Variants in VRK3 observed in about 807,000 individuals in gnomAD.
The protein encoded by VRK3 is VRK serine/threonine kinase 3.
Under a neutral mutation model 60.4 loss-of-function variants are expected in VRK3, and 50 were observed. The observed-to-expected ratio is 0.83, with a 90% CI of 0.66 to 1.05. The LOEUF is 1.05. VRK3 is among the 50% of genes least tolerant of loss of function. The pLI is 0.00. For synonymous variants in VRK3, 246 were observed against 227.8 expected, an observed-to-expected ratio of 1.08 and a Z score of -0.72; for missense variants, 549 against 585.3, an observed-to-expected ratio of 0.94 and a Z score of 0.64.
chr19:49,993,651 C>T (rs1171419065), intron 9 of VRK3, among the ~76,000 whole-genome samples: 3 of 152,122 alleles, frequency 2.0e-5, no homozygotes, highest in East Asian at 1.9e-4. Flanking sequence ...CCACCTGCCT[C>T]GTCCTCCCAA....
chr19:50,005,943 C>CG (rs2122382513), intron 5 of VRK3, among the ~76,000 whole-genome samples: 1 of 149,046 alleles, frequency 6.7e-6, no homozygotes, highest in East Asian at 1.9e-4. Context: ...TAGATAGTGA[C>CG]GATGGTTGCA....
At chr19:50,013,709 C>T (rs2077031516) in intron 3 of VRK3, among the ~76,000 whole-genome samples, 1 of 152,178 alleles carries the variant, frequency 6.6e-6, no homozygotes, top group Admixed American at 6.5e-5. Flanking sequence ...AATACCATGC[C>T]AGGCACAGAC....
intron 11 of VRK3, among the ~76,000 whole-genome samples, chr19:49,989,406 A>G (rs554079463): frequency 3.3e-5 from 5 of 151,830 alleles, no homozygotes; most frequent in African/African-American, 1.2e-4. Flanking sequence ...CTGAACCCCA[A>G]CCTCTGGAAC....
rs558290296 is a variant in VRK3 at position 50,020,752 on chromosome 19, A to C, written c.-64-105T>G. On this transcript the variant is annotated intron_variant, in intron 1 of 14. Coordinates refer to ENST00000316763, the MANE Select transcript of VRK3 (RefSeq NM_016440.4). The stretch of plus-strand genomic sequence containing the variant: ...CTGGCCATGTCACCAGCATGTGCCA[A>C]ATCCATTCGTTTATTCATTTACTCT... 6.8e-4 allele frequency: 103 copies of C among 152,340 alleles called. 1 individual carries two copies. Among genetic ancestry groups the C allele is most frequent in the African/African-American group, 2.4e-3 (101 of 41,570 alleles). 9.4% of individuals were successfully genotyped at this position (152,340 alleles called of 1,614,324 possible).
intron 3 of VRK3, among the ~76,000 whole-genome samples, chr19:50,015,089 GATGA>G (rs1324689244): frequency 6.6e-6 from 1 of 152,220 alleles, no homozygotes; most frequent in African/African-American, 2.4e-5. Flanking sequence ...TGGGAAACTG[GATGA>G]ATGGAGTGCT....
intron 2 of VRK3, 35 bp from the exon 3 acceptor site, chr19:50,016,198 G>T (rs769346573): frequency 6.2e-7 from 1 of 1,611,164 alleles, no homozygotes; most frequent in Non-Finnish European, 8.5e-7. Flanking sequence ...AAAGTGAAAC[G>T]GGCCAGCTGA....
At chr19:50,002,239 G>T (rs998787365) in intron 5 of VRK3, among the ~76,000 whole-genome samples, 8 of 152,136 alleles carry the variant, frequency 5.3e-5, no homozygotes, top group Admixed American at 2.6e-4. Context: ...GGGATGGGGG[G>T]TGACAAAGTC....
At chr19:49,997,683 C>A in intron 6 of VRK3, 113 bp from the exon 7 acceptor site, 1 of 1,212,230 alleles carries the variant, frequency 8.2e-7, no homozygotes, top group South Asian at 1.4e-5. Flanking sequence ...TCATCAAGTC[C>A]CCACATCGGA....
At chr19:50,022,803 C>T (rs1344594697) in intron 1 of VRK3, among the ~76,000 whole-genome samples, 1 of 151,888 alleles carries the variant, frequency 6.6e-6, no homozygotes, top group Admixed American at 6.6e-5. Flanking sequence ...CATAAATAAA[C>T]AAATAAATAA....
chr19:49,982,225 A>G (rs1219124104), intron 12 of VRK3: 1 of 702,860 alleles, frequency 1.4e-6, no homozygotes, highest in Admixed American at 2.0e-5. Context: ...CTCATGACCA[A>G]CAGCACCGTA....
chr19:49,989,684 C>T lies in VRK3; in HGVS notation c.1051G>A (p.Glu351Lys), dbSNP rs745889258. The T allele has an allele frequency of 1.1e-5, 18 of 1,613,908 alleles. No individual in the cohort carries two copies. Among genetic ancestry groups the T allele is most frequent in the Admixed American group, 5.0e-5 (3 of 60,004 alleles). Reference protein sequence around the residue: ...AYVEGSRSPHEGDLEFISMDL... With the variant: ...AYVEGSRSPHKGDLEFISMDL... ...ATGCTAATGAACTCAAGGTCCCCCT[C>T]GTGAGGGCTCCTGCTGCCTTCCACG... Residue 351 changes from glutamate (E) to lysine (K), a missense_variant, in exon 11 of 15, where the codon GAG becomes AAG. Glu to Lys is a moderately conservative substitution (Grantham distance 56). Coordinates refer to ENST00000316763, the MANE Select transcript of VRK3 (RefSeq NM_016440.4).
chr19:49,990,831 T>C (rs1215148851), intron 10 of VRK3, among the ~76,000 whole-genome samples: 1 of 150,898 alleles, frequency 6.6e-6, no homozygotes, highest in East Asian at 2.0e-4. Flanking sequence ...GTCACGCAGG[T>C]TGGAGTGCAG....
chr19:49,994,798 A>G lies in VRK3; in HGVS notation c.870+16T>C. ...CCCTCCCTGACGCGGCAGCTGAGCA[A>G]CTTCTGGGTACGCACCAGCCGGCAG... is the stretch of plus-strand genomic sequence containing the variant. On this transcript the variant is annotated intron_variant, in intron 9 of 14. Coordinates refer to ENST00000316763, the MANE Select transcript of VRK3 (RefSeq NM_016440.4). 6.2e-7 allele frequency: 1 copy of G among 1,607,868 alleles called. No homozygotes were observed. Among genetic ancestry groups the G allele is most frequent in the Non-Finnish European group, 8.5e-7 (1 of 1,176,136 alleles).
intron 10 of VRK3, 127 bp from the exon 11 acceptor site, chr19:49,989,898 G>T: frequency 9.0e-7 from 1 of 1,109,604 alleles, no homozygotes; most frequent in Non-Finnish European, 1.2e-6. Context: ...CAAAACTAAG[G>T]CATGCTCATA....
At chr19:50,006,772 G>C (rs2076898764) in intron 5 of VRK3, among the ~76,000 whole-genome samples, 2 of 152,188 alleles carry the variant, frequency 1.3e-5, no homozygotes, top group Admixed American at 1.3e-4. Context: ...CTTAGAACAG[G>C]CCTGGCCTTG....
At chr19:50,003,873 C>T (rs1265192441) in intron 5 of VRK3, among the ~76,000 whole-genome samples, 1 of 152,216 alleles carries the variant, frequency 6.6e-6, no homozygotes, top group Non-Finnish European at 1.5e-5. Context: ...GCTGGCACCG[C>T]GGCCAGACAC....
intron 2 of VRK3, among the ~76,000 whole-genome samples, chr19:50,019,504 T>G (rs931314325): frequency 6.6e-6 from 1 of 151,894 alleles, no homozygotes; most frequent in African/African-American, 2.4e-5. Context: ...CTAGCCAGAC[T>G]GTACACTTCT....
rs2076957732 is a variant in VRK3 at position 50,009,382 on chromosome 19, G to A, written c.143C>T (p.Ser48Leu). The A allele has an allele frequency of 1.2e-6, 2 of 1,613,270 alleles. No homozygotes were observed. The highest frequency in any genetic ancestry group is 1.7e-6 in the Non-Finnish European group (2 of 1,179,754). ...AAAACTGGAGTTCAGCCCTCTCTTT[G>A]AGCCTAAAGAAAGGCAGACAAAATG... ...VNPHVSSFQGSKRGLNSSFET... is the reference protein window; with the variant it reads ...VNPHVSSFQGLKRGLNSSFET... The change falls in exon 4 of 15, where the codon TCA (serine) becomes TTA (leucine). Residue 48 changes from serine (S) to leucine (L), a missense_variant. By Grantham distance (145) the Ser-to-Leu change is moderately radical. Transcript: ENST00000316763.
At chr19:50,024,247 G>C (rs1169384450) in intron 1 of VRK3, among the ~76,000 whole-genome samples, 1 of 152,038 alleles carries the variant, frequency 6.6e-6, no homozygotes, top group Non-Finnish European at 1.5e-5. Flanking sequence ...CAAATTTTTT[G>C]GATTTTAGAA....
Sources: allele counts gnomAD v4.1 joint callset (sites outside exome capture counted in the v4.1 genomes callset), GRCh38; gene constraint gnomAD v4.1.1; transcripts MANE v1.5; gene names NCBI Gene and HGNC (gene_info 2026-07-23, HGNC 2026-07-21).